Variants in CNTNAP3 observed in about 807,000 individuals in gnomAD.
CNTNAP3 encodes the protein contactin-associated protein-like 3.
A neutral mutation model predicts 92.1 loss-of-function variants in CNTNAP3; 36 were observed. The ratio of observed to expected loss-of-function variants is 0.39; its 90% confidence interval spans 0.30 to 0.52. The LOEUF is 0.52. CNTNAP3 is among the 20% of genes least tolerant of loss of function. The pLI, the probability that CNTNAP3 is intolerant of heterozygous loss-of-function variation, is 0.76. For synonymous variants in CNTNAP3, 232 were observed against 422.3 expected (o/e 0.55, Z 5.53); for missense variants, 534 against 1,069.6 (o/e 0.50, Z 6.98).
chr9:39,130,913 G>A (rs1266499857), intron 13 of CNTNAP3, among the ~76,000 whole-genome samples: 1 of 151,778 alleles, frequency 6.6e-6, no homozygotes, highest in Non-Finnish European at 1.5e-5. Context: ...ACCTTGGGGT[G>A]GGGGAACTGC....
chr9:39,098,306 A>AC (rs901461648), intron 18 of CNTNAP3, among the ~76,000 whole-genome samples: 2 of 149,810 alleles, frequency 1.3e-5, no homozygotes, highest in Non-Finnish European at 3.0e-5. Context: ...ACATACACAC[A>AC]CCCCCCAAAT....
At chr9:39,142,905 T>C (rs368190704) in intron 11 of CNTNAP3, among the ~76,000 whole-genome samples, 4 of 151,892 alleles carry the variant, frequency 2.6e-5, no homozygotes, top group Admixed American at 1.3e-4. Flanking sequence ...GAAAATCAAA[T>C]GTCTCACGGA....
intron 13 of CNTNAP3, among the ~76,000 whole-genome samples, chr9:39,125,638 A>C (rs1457901769): frequency 1.3e-5 from 2 of 152,162 alleles, no homozygotes; most frequent in Non-Finnish European, 2.9e-5. Context: ...CTAGAGAAAG[A>C]TATACCATGG....
At chr9:39,108,181 T>C (rs1460257934) in intron 15 of CNTNAP3, among the ~76,000 whole-genome samples, 2 of 152,028 alleles carry the variant, frequency 1.3e-5, no homozygotes, top group African/African-American at 2.4e-5. Flanking sequence ...CCCAGGTGGA[T>C]GCTACACACA....
intron 18 of CNTNAP3, among the ~76,000 whole-genome samples, chr9:39,095,412 G>A (rs544868150): frequency 2.0e-4 from 30 of 151,196 alleles, no homozygotes; most frequent in Non-Finnish European, 3.9e-4. Flanking sequence ...CTTATTTTAC[G>A]GAAGCTTTCA....
intron 14 of CNTNAP3, among the ~76,000 whole-genome samples, chr9:39,116,681 G>C (rs190049906): frequency 2.8e-4 from 43 of 152,202 alleles, no homozygotes; most frequent in Middle Eastern, 3.4e-3. Flanking sequence ...TATTCAAAAA[G>C]AGTGTCTCAT....
intron 18 of CNTNAP3, among the ~76,000 whole-genome samples, chr9:39,089,279 A>G (rs1350516901): frequency 1.3e-5 from 2 of 152,180 alleles, no homozygotes; most frequent in African/African-American, 4.8e-5. Flanking sequence ...CCTATTCAAG[A>G]GATTTCATAT....
chr9:39,161,902 GA>G (rs1229118915), intron 9 of CNTNAP3, among the ~76,000 whole-genome samples: 1 of 123,754 alleles, frequency 8.1e-6, no homozygotes, highest in Non-Finnish European at 1.6e-5. Context: ...GATAACCTAG[GA>G]AATATAGGAA....
chr9:39,076,862 G>A (rs1359318343), intron 23 of CNTNAP3, among the ~76,000 whole-genome samples: 3 of 152,290 alleles, frequency 2.0e-5, no homozygotes, highest in Non-Finnish European at 4.4e-5. Context: ...CAGCTACTTG[G>A]GCTGCTGAGG....
intron 18 of CNTNAP3, among the ~76,000 whole-genome samples, chr9:39,089,168 C>G (rs1826135321): frequency 6.6e-6 from 1 of 152,102 alleles, no homozygotes; most frequent in Non-Finnish European, 1.5e-5. Context: ...TTCTTATTCC[C>G]TCCTACAAAA....
At chr9:39,077,246 T>C (rs1036824178) in intron 23 of CNTNAP3, among the ~76,000 whole-genome samples, 6 of 152,126 alleles carry the variant, frequency 3.9e-5, no homozygotes, top group African/African-American at 1.4e-4. Context: ...CACTTTAAAA[T>C]AACAACACAT....
intron 8 of CNTNAP3, among the ~76,000 whole-genome samples, chr9:39,170,411 A>G (rs1293086811): frequency 8.4e-6 from 1 of 118,932 alleles, no homozygotes; most frequent in Non-Finnish European, 1.6e-5. Context: ...TTTCTTTTTC[A>G]GATTACGCTT....
chr9:39,118,146 C>G lies in CNTNAP3; in HGVS notation c.2194G>C (p.Asp732His). ...TCACAGTTGCAGTAATACTGAGAAT[C>G]AATGCAGTTCCCCTCTAATCCACAA... ...CTCGLEGNCI[D>H]SQYYCNCDAG... The change falls in exon 14 of 24, where the codon GAT (aspartate) becomes CAT (histidine). Residue 732 changes from aspartate (D) to histidine (H), a missense_variant. Transcript: ENST00000297668. 6.2e-7 allele frequency: 1 copy of G among 1,610,704 alleles called. No homozygotes were observed. Among genetic ancestry groups the G allele is most frequent in the Non-Finnish European group, 8.5e-7 (1 of 1,178,938 alleles).
intron 14 of CNTNAP3, among the ~76,000 whole-genome samples, chr9:39,110,641 G>A (rs1361334163): frequency 1.3e-5 from 2 of 152,074 alleles, no homozygotes; most frequent in African/African-American, 4.8e-5. Context: ...CCTGGTCTTA[G>A]CTATGCCACT....
Position 39,118,152 on chromosome 9 carries a change from A to G in CNTNAP3, c.2188T>C (p.Cys730Arg), listed in dbSNP as rs1183108103. 11 of 1,611,058 alleles carry G rather than the reference A, an allele frequency of 6.8e-6. No homozygotes were observed. Among genetic ancestry groups the G allele is most frequent in the African/African-American group, 2.7e-5 (2 of 74,766 alleles). The stretch of plus-strand genomic sequence containing the variant: ...TTGCAGTAATACTGAGAATCAATGC[A>G]GTTCCCCTCTAATCCACAAGTACAC... ...QKCTCGLEGNCIDSQYYCNCD... is the reference protein window; with the variant it reads ...QKCTCGLEGNRIDSQYYCNCD... Residue 730 changes from cysteine to arginine, a missense_variant, in exon 14 of 24, where the codon TGC (cysteine) becomes CGC (arginine). Physicochemically the swap from Cys to Arg is radical, Grantham distance 180. Transcript: ENST00000297668.
chr9:39,096,324 GTTCT>G (rs1045775829), intron 18 of CNTNAP3, among the ~76,000 whole-genome samples: 5 of 146,842 alleles, frequency 3.4e-5, no homozygotes, highest in African/African-American at 1.2e-4. Context: ...CTGAAGGAAC[GTTCT>G]TTGTTATTTC....
intron 21 of CNTNAP3, among the ~76,000 whole-genome samples, chr9:39,081,323 A>C: frequency 6.6e-6 from 1 of 152,000 alleles, no homozygotes; most frequent in African/African-American, 2.4e-5. Context: ...CATGGTCAAA[A>C]CCCTTCACTT....
rs940860979 is a variant in CNTNAP3 at position 39,082,098 on chromosome 9, A to AC, written c.3443-3179dup. On this transcript the variant is annotated intron_variant, in intron 21 of 23. Coordinates refer to ENST00000297668, the MANE Select transcript of CNTNAP3 (RefSeq NM_033655.5). ...TGAAACTCGATCTCAAAAAAAAAAAACAAAGAAACTCAAATCAATTAAAAT... is the reference window on the plus strand; with the variant it reads ...TGAAACTCGATCTCAAAAAAAAAAAACCAAAGAAACTCAAATCAATTAAAAT... Among the ~76,000 whole-genome samples the AC allele has an allele frequency of 2.7e-4, 40 of 147,036 alleles. 1 individual carries two copies. Among genetic ancestry groups the AC allele is most frequent in the African/African-American group, 9.8e-4 (39 of 39,794 alleles).
intron 12 of CNTNAP3, 108 bp from the exon 13 acceptor site, chr9:39,133,243 A>C (rs1821348083): frequency 7.4e-7 from 1 of 1,355,526 alleles, no homozygotes; most frequent in African/African-American, 1.5e-5. Flanking sequence ...TGAAATTTAC[A>C]TTACTGCATG....
Sources: allele counts gnomAD v4.1 joint callset (sites outside exome capture counted in the v4.1 genomes callset), GRCh38; gene constraint gnomAD v4.1.1; transcripts MANE v1.5; gene names NCBI Gene and HGNC (gene_info 2026-07-23, HGNC 2026-07-21).